The following PRKAG2 variants were observed in gnomAD, a reference collection of about 807,000 sequenced individuals.
PRKAG2 encodes 5'-AMP-activated protein kinase subunit gamma-2.
Under a neutral mutation model 69.6 loss-of-function variants are expected in PRKAG2, and 26 were observed. The ratio of observed to expected loss-of-function variants is 0.37; its 90% CI spans 0.27 to 0.52. The LOEUF is 0.52. Among genes scored for constraint, PRKAG2 ranks in the 20% least tolerant of loss-of-function variants. PRKAG2 has a pLI of 0.90. For missense variants in PRKAG2, 557 were observed against 740.0 expected (o/e 0.75, Z 2.87); for synonymous variants, 293 against 285.0 (o/e 1.03, Z -0.28).
At chr7:151,606,793 C>G (rs1300775841) in intron 5 of PRKAG2, among the ~76,000 whole-genome samples, 1 of 152,158 alleles carries the variant, frequency 6.6e-6, no homozygotes, top group Non-Finnish European at 1.5e-5. Flanking sequence ...GCACTCCAGT[C>G]TGTGCAACAG....
At chr7:151,875,436 G>A (rs2080364537) in intron 1 of PRKAG2, among the ~76,000 whole-genome samples, 1 of 152,228 alleles carries the variant, frequency 6.6e-6, no homozygotes, top group African/African-American at 2.4e-5. Context: ...GCCTGCCTCG[G>A]CCATGCCAGC....
intron 1 of PRKAG2, among the ~76,000 whole-genome samples, chr7:151,840,413 G>A (rs1392612481): frequency 2.0e-5 from 3 of 152,142 alleles, no homozygotes; most frequent in South Asian, 2.1e-4. Flanking sequence ...ATGAGGTCTC[G>A]CTCTGTCATC....
At position 151,706,560 on chromosome 7, in the gene PRKAG2, C is replaced by T. The variant is rs11976543; in HGVS notation, c.467-30923G>A. ...AGGCTTCTTGCAGAAAGCCAGAGTACGAGCAACCAGCACCCTGACCTGCCT... is the reference window on the plus strand; with the variant it reads ...AGGCTTCTTGCAGAAAGCCAGAGTATGAGCAACCAGCACCCTGACCTGCCT... On this transcript the variant is annotated intron_variant, in intron 3 of 15. Coordinates refer to ENST00000287878, the MANE Select transcript of PRKAG2 (RefSeq NM_016203.4). 2.1e-4 allele frequency among the ~76,000 whole-genome samples: 32 copies of T among 152,188 alleles called. 1 individual carries two copies. The highest frequency in any genetic ancestry group is 4.4e-5 in the Non-Finnish European group (3 of 68,036).
chr7:151,760,344 C>T (rs2075340702), intron 3 of PRKAG2, among the ~76,000 whole-genome samples: 1 of 152,224 alleles, frequency 6.6e-6, no homozygotes, highest in Non-Finnish European at 1.5e-5. Flanking sequence ...TCAAGTGATT[C>T]TCCTGTCTCA....
chr7:151,819,142 C>G (rs2078713074), intron 1 of PRKAG2, among the ~76,000 whole-genome samples: 1 of 152,184 alleles, frequency 6.6e-6, no homozygotes, highest in Non-Finnish European at 1.5e-5. Context: ...CGCAGCCCAC[C>G]CAGCCCCGGT....
chr7:151,732,522 C>A lies in PRKAG2; in HGVS notation c.466+48630G>T, dbSNP rs546047512. 8.5e-5 allele frequency among the ~76,000 whole-genome samples: 13 copies of A among 152,304 alleles called. No individual in the cohort carries two copies. In the South Asian group the frequency reaches 1.2e-3, roughly 15 times the overall value. On this transcript the variant is annotated intron_variant, in intron 3 of 15. Coordinates refer to ENST00000287878, the MANE Select transcript of PRKAG2 (RefSeq NM_016203.4). ...TTAAAACACAAAACCCTGAAGCAATCCTTCTTGGAGAACAGGGAGCAACCC... is the reference window on the plus strand; with the variant it reads ...TTAAAACACAAAACCCTGAAGCAATACTTCTTGGAGAACAGGGAGCAACCC...
intron 1 of PRKAG2, among the ~76,000 whole-genome samples, chr7:151,875,575 GTGTGTGTGTGTGTGTGTGTGT>G (rs1362882946): frequency 1.1e-5 from 1 of 87,520 alleles, no homozygotes; most frequent in Non-Finnish European, 2.6e-5. Flanking sequence ...GTGTGTGTGT[GTGTGTGTGTGTGTGTGTGTGT>G]GTGTGTGTGT....
intron 3 of PRKAG2, among the ~76,000 whole-genome samples, chr7:151,683,696 G>T (rs151112580): frequency 1.3e-5 from 2 of 152,254 alleles, no homozygotes; most frequent in East Asian, 3.9e-4. Flanking sequence ...GATGGCGAGC[G>T]CCGTGAGGGG....
intron 3 of PRKAG2, among the ~76,000 whole-genome samples, chr7:151,718,020 G>A (rs1206453970): frequency 2.6e-5 from 4 of 152,174 alleles, no homozygotes; most frequent in East Asian, 3.9e-4. Context: ...TGTGAGGGTC[G>A]TCCTGGGCCA....
chr7:151,831,934 C>G (rs1173526325), intron 1 of PRKAG2, among the ~76,000 whole-genome samples: 1 of 152,084 alleles, frequency 6.6e-6, no homozygotes, highest in Non-Finnish European at 1.5e-5. Flanking sequence ...GGCCAGATCT[C>G]AGAGCGGGGT....
At chr7:151,641,948 T>C (rs986217739) in intron 4 of PRKAG2, among the ~76,000 whole-genome samples, 1 of 150,008 alleles carries the variant, frequency 6.7e-6, no homozygotes, top group African/African-American at 2.5e-5. Context: ...AATCCTAGCA[T>C]GTTGGGAGGT....
chr7:151,612,936 A>G (rs1258628743), intron 5 of PRKAG2, among the ~76,000 whole-genome samples: 1 of 152,202 alleles, frequency 6.6e-6, no homozygotes, highest in African/African-American at 2.4e-5. Context: ...GCAGCCTCCC[A>G]GGATGAGGGA....
chr7:151,695,191 T>G (rs561487205), intron 3 of PRKAG2, among the ~76,000 whole-genome samples: 5 of 151,862 alleles, frequency 3.3e-5, no homozygotes, highest in African/African-American at 4.8e-5. Flanking sequence ...CCCGGCAGAG[T>G]CTGATGACAC....
chr7:151,595,917 C>G (rs1262227501), intron 5 of PRKAG2, among the ~76,000 whole-genome samples: 1 of 152,130 alleles, frequency 6.6e-6, no homozygotes, highest in Non-Finnish European at 1.5e-5. Context: ...CACCTGTAAT[C>G]CCAGAACTCT....
At chr7:151,739,093 G>A (rs1350761454) in intron 3 of PRKAG2, among the ~76,000 whole-genome samples, 3 of 152,192 alleles carry the variant, frequency 2.0e-5, no homozygotes, top group Non-Finnish European at 4.4e-5. Context: ...GCCTCCATCT[G>A]CAGGGGACAC....
intron 3 of PRKAG2, among the ~76,000 whole-genome samples, chr7:151,698,351 T>C (rs1280402127): frequency 1.3e-5 from 2 of 152,182 alleles, no homozygotes; most frequent in Non-Finnish European, 2.9e-5. Context: ...CCCCCTCGCC[T>C]GTGCTTCCTG....
chr7:151,750,096 C>CA (rs35915808), intron 3 of PRKAG2, among the ~76,000 whole-genome samples: 3,779 of 62,102 alleles, frequency 0.061, 153 homozygotes, highest in African/African-American at 0.12. Flanking sequence ...GACTCCATCT[C>CA]AAAAAAAAAA....
At chr7:151,681,560 G>A (rs1833888755) in intron 3 of PRKAG2, among the ~76,000 whole-genome samples, 1 of 152,012 alleles carries the variant, frequency 6.6e-6, no homozygotes, top group South Asian at 2.1e-4. Context: ...TTTAAGAGGG[G>A]GTAGAGTCTT....
chr7:151,757,927 T>C (rs2075193844), intron 3 of PRKAG2, among the ~76,000 whole-genome samples: 2 of 152,250 alleles, frequency 1.3e-5, no homozygotes, highest in African/African-American at 2.4e-5. Flanking sequence ...GATTTGTTAC[T>C]GTGGGCTGCA....
Sources: allele counts gnomAD v4.1 joint callset (sites outside exome capture counted in the v4.1 genomes callset), GRCh38; gene constraint gnomAD v4.1.1; transcripts MANE v1.5; gene names NCBI Gene and HGNC (gene_info 2026-07-23, HGNC 2026-07-21).